GAS2: variants seen among roughly 807,000 people sequenced by gnomAD.
GAS2 encodes the protein growth arrest specific 2.
GAS2 carries 20 observed loss-of-function variants against 37.5 expected under a neutral mutation model. That is an observed-to-expected ratio of 0.53 (90% CI 0.37 to 0.77). The LOEUF (loss-of-function observed/expected upper bound fraction) is 0.77, where lower values mean the gene tolerates loss of function less well. GAS2 is among the 30% of genes least tolerant of loss of function. The pLI, the probability that GAS2 is intolerant of heterozygous loss-of-function variation, is 0.00. For missense variants in GAS2, 336 were observed against 373.4 expected (o/e 0.90, Z 0.82); for synonymous variants, 144 against 132.2 (o/e 1.09, Z -0.61).
At chr11:22,718,062 A>G (rs1338163027) in intron 3 of GAS2, among the ~76,000 whole-genome samples, 6 of 152,146 alleles carry the variant, frequency 3.9e-5, no homozygotes, top group African/African-American at 1.2e-4. Flanking sequence ...AACAGTATGG[A>G]GATTCCTTAA....
At chr11:22,773,471 G>T (rs1157752998) in intron 7 of GAS2, among the ~76,000 whole-genome samples, 1 of 141,850 alleles carries the variant, frequency 7.0e-6, no homozygotes, top group Non-Finnish European at 1.5e-5. Flanking sequence ...TCGGCTCACT[G>T]CAAGCTCCGC....
At chr11:22,675,311 G>A (rs982449695) in intron 2 of GAS2, among the ~76,000 whole-genome samples, 13 of 152,110 alleles carry the variant, frequency 8.5e-5, no homozygotes, top group Non-Finnish European at 1.8e-4. Context: ...TTTCTTTCAT[G>A]CAGCTGACCA....
At chr11:22,655,474 T>C (rs557342859) in intron 1 of GAS2, among the ~76,000 whole-genome samples, 1 of 152,314 alleles carries the variant, frequency 6.6e-6, no homozygotes, top group South Asian at 2.1e-4. Context: ...TCCAAAAACA[T>C]TATCAGAATC....
At chr11:22,801,784 C>T (rs555768000) in intron 7 of GAS2, among the ~76,000 whole-genome samples, 2 of 152,154 alleles carry the variant, frequency 1.3e-5, no homozygotes, top group East Asian at 1.9e-4. Flanking sequence ...CTTTTTAATC[C>T]TCTTAATTTC....
At chr11:22,707,168 C>T (rs971096874) in intron 3 of GAS2, among the ~76,000 whole-genome samples, 1 of 152,116 alleles carries the variant, frequency 6.6e-6, no homozygotes, top group Non-Finnish European at 1.5e-5. Context: ...TCTGGAGTTT[C>T]CTACTTGAGG....
At chr11:22,810,322 GT>G (rs952549359) in intron 7 of GAS2, among the ~76,000 whole-genome samples, 2 of 145,236 alleles carry the variant, frequency 1.4e-5, no homozygotes, top group Admixed American at 1.4e-4. Context: ...TCCAGATGCG[GT>G]GTTCTGGTAA....
At chr11:22,692,113 A>G (rs1422820970) in intron 3 of GAS2, among the ~76,000 whole-genome samples, 2 of 152,172 alleles carry the variant, frequency 1.3e-5, no homozygotes, top group Admixed American at 6.5e-5. Flanking sequence ...TATTTTTCAA[A>G]TAAAACTCAT....
At chr11:22,660,955 C>A (rs1848909654) in intron 1 of GAS2, among the ~76,000 whole-genome samples, 1 of 152,102 alleles carries the variant, frequency 6.6e-6, no homozygotes, top group Non-Finnish European at 1.5e-5. Context: ...TCTTTAAGTG[C>A]TTTGTATAAA....
chr11:22,699,059 T>C (rs1346624016), intron 3 of GAS2, among the ~76,000 whole-genome samples: 1 of 152,188 alleles, frequency 6.6e-6, no homozygotes, highest in African/African-American at 2.4e-5. Context: ...GTTTCTTTTC[T>C]AGCCCCTGTG....
chr11:22,731,222 G>T, intron 4 of GAS2: 1 of 322,292 alleles, frequency 3.1e-6, no homozygotes. Flanking sequence ...TACACATTCT[G>T]GTGAGCTGGG....
At chr11:22,700,148 C>G (rs1255263519) in intron 3 of GAS2, among the ~76,000 whole-genome samples, 1 of 152,118 alleles carries the variant, frequency 6.6e-6, no homozygotes, top group African/African-American at 2.4e-5. Context: ...CTTTGCTAGA[C>G]TCTAAGATCC....
rs529639070 is a variant in GAS2 at position 22,694,460 on chromosome 11, C to T, written c.267+8671C>T. ...TCACCTTAAAAATTTTTGGAGCTTT[C>T]TTCATCAACTTATTCTTCACCCTTT... On this transcript the variant is annotated intron_variant, in intron 3 of 7. Transcript: ENST00000454584. Among the ~76,000 whole-genome samples, 120 of 152,274 alleles carry T rather than the reference C, an allele frequency of 7.9e-4. 2 individuals are homozygous for T. In the South Asian group the frequency reaches 8.1e-3, roughly 10 times the overall value.
chr11:22,713,746 C>CTT (rs1851524959), intron 3 of GAS2, among the ~76,000 whole-genome samples: 1 of 152,094 alleles, frequency 6.6e-6, no homozygotes, highest in Non-Finnish European at 1.5e-5. Context: ...ATCTTGTACA[C>CTT]AGCAAACTAA....
At chr11:22,685,156 A>G (rs1272736562) in intron 2 of GAS2, among the ~76,000 whole-genome samples, 2 of 152,102 alleles carry the variant, frequency 1.3e-5, no homozygotes, top group South Asian at 2.1e-4. Context: ...ACAGAGTACA[A>G]TCCTGTAGAG....
At chr11:22,759,633 C>T (rs1422276126) in intron 7 of GAS2, among the ~76,000 whole-genome samples, 1 of 152,120 alleles carries the variant, frequency 6.6e-6, no homozygotes, top group Non-Finnish European at 1.5e-5. Context: ...ATAAATATTT[C>T]AGTTATTTTT....
chr11:22,734,519 C>A (rs1486828133), intron 4 of GAS2, among the ~76,000 whole-genome samples: 1 of 151,294 alleles, frequency 6.6e-6, no homozygotes, highest in Non-Finnish European at 1.5e-5. Context: ...TAGTAACTGA[C>A]ACATTATGAT....
chr11:22,794,843 C>T (rs1856350543), intron 7 of GAS2, among the ~76,000 whole-genome samples: 1 of 152,084 alleles, frequency 6.6e-6, no homozygotes, highest in Middle Eastern at 3.2e-3. Context: ...ATTTCCCTAG[C>T]CAGGTCTGTC....
chr11:22,807,587 T>G (rs1205514710), intron 7 of GAS2, among the ~76,000 whole-genome samples: 1 of 152,138 alleles, frequency 6.6e-6, no homozygotes, highest in Non-Finnish European at 1.5e-5. Context: ...CAAAGGGAAA[T>G]TGTTACCAAT....
chr11:22,770,885 G>A (rs1854943138), intron 7 of GAS2, among the ~76,000 whole-genome samples: 2 of 152,172 alleles, frequency 1.3e-5, no homozygotes, highest in Admixed American at 6.5e-5. Context: ...CTTCATTGAA[G>A]ACGGAGAGCA....
Sources: gnomAD v4.1 joint callset for allele counts (sites outside exome capture counted in the v4.1 genomes callset) on GRCh38, gnomAD v4.1.1 for gene constraint, MANE v1.5 for transcripts, NCBI Gene and HGNC (gene_info 2026-07-23, HGNC 2026-07-21) for gene names.